The following WDR70 variants were observed in gnomAD, a reference collection of about 807,000 sequenced individuals.
WDR70 encodes the protein WD repeat domain 70.
WDR70 carries 53 observed loss-of-function variants against 88.6 expected under a neutral mutation model. The observed-to-expected ratio is 0.60, with a 90% CI of 0.48 to 0.75. The LOEUF is 0.75. Among genes scored for constraint, WDR70 ranks in the 30% least tolerant of loss-of-function variants. The pLI is 0.00. For synonymous variants in WDR70, 280 were observed against 270.0 expected, an observed-to-expected ratio of 1.04 and a Z score of -0.36; for missense variants, 610 against 823.2, an observed-to-expected ratio of 0.74 and a Z score of 3.17.
intron 10 of WDR70, among the ~76,000 whole-genome samples, chr5:37,624,653 A>T (rs1175418464): frequency 6.6e-6 from 1 of 152,230 alleles, no homozygotes; most frequent in African/African-American, 2.4e-5. Flanking sequence ...AGATTTATTT[A>T]TCATGTATAT....
At chr5:37,549,427 T>G (rs1194841058) in intron 9 of WDR70, among the ~76,000 whole-genome samples, 1 of 152,212 alleles carries the variant, frequency 6.6e-6, no homozygotes, top group Non-Finnish European at 1.5e-5. Context: ...AAAGTTTCTT[T>G]TTCAGATTGG....
chr5:37,719,282 A>T (rs994801445), intron 13 of WDR70, among the ~76,000 whole-genome samples: 22 of 152,148 alleles, frequency 1.4e-4, no homozygotes, highest in Non-Finnish European at 2.6e-4. Context: ...TTATTAGGAG[A>T]AAATGTGACT....
Position 37,485,858 on chromosome 5 carries a change from A to ATTTTTTTTTTTTTTTTTTTT in WDR70, c.840+5880_840+5899dup, listed in dbSNP as rs57109943. On this transcript the variant is annotated intron_variant, in intron 8 of 17. Coordinates refer to ENST00000265107, the MANE Select transcript of WDR70 (RefSeq NM_018034.4). ...AGGCATGCGCCACCATGCCTGGCTA[A>ATTTTTTTTTTTTTTTTTTTT]TTTTTTTTTTTTTTTTTTTTTTTTT... is the stretch of plus-strand genomic sequence containing the variant. Among the ~76,000 whole-genome samples the ATTTTTTTTTTTTTTTTTTTT allele has an allele frequency of 2.0e-4, 22 of 108,286 alleles. 1 individual carries two copies. Among genetic ancestry groups the ATTTTTTTTTTTTTTTTTTTT allele is most frequent in the African/African-American group, 7.9e-4 (20 of 25,372 alleles). The allele number at this position is 108,286 out of a possible 152,430, so 71.0% of individuals were successfully genotyped here. A position where few individuals can be genotyped will look rare whatever the true frequency, so the allele number is the denominator to read the frequency against.
chr5:37,525,542 T>C (rs1237397804), intron 9 of WDR70, among the ~76,000 whole-genome samples: 1 of 152,050 alleles, frequency 6.6e-6, no homozygotes, highest in Non-Finnish European at 1.5e-5. Context: ...TATCGTAAAA[T>C]TGACACCCTA....
At chr5:37,439,968 A>G (rs991994888) in intron 6 of WDR70, among the ~76,000 whole-genome samples, 5 of 152,136 alleles carry the variant, frequency 3.3e-5, no homozygotes, top group African/African-American at 7.2e-5. Context: ...TCTTTCCTAC[A>G]TAATACCATC....
intron 14 of WDR70, chr5:37,721,549 C>T (rs1747817226): frequency 4.2e-6 from 1 of 236,802 alleles, no homozygotes; most frequent in African/African-American, 2.2e-5. Context: ...AGAGATTTAA[C>T]AAAGCAGGGA....
rs934266351 is a variant in WDR70, at chr5:37,607,881, C to T, written c.1092+2643C>T. Among the ~76,000 whole-genome samples, 9 of 152,212 alleles carry T rather than the reference C, an allele frequency of 5.9e-5. No homozygotes were observed. In the South Asian group the frequency reaches 1.0e-3, roughly 18 times the overall value. The stretch of plus-strand genomic sequence containing the variant: ...TCTGCACTGCCTCCTTGATTCTCTA[C>T]TTCCCATTCACCAGCATAATTTGAG... On this transcript the variant is annotated intron_variant, in intron 10 of 17. Coordinates refer to ENST00000265107, the MANE Select transcript of WDR70 (RefSeq NM_018034.4).
intron 8 of WDR70, among the ~76,000 whole-genome samples, chr5:37,508,943 C>T (rs1740639276): frequency 6.6e-6 from 1 of 152,150 alleles, no homozygotes; most frequent in East Asian, 1.9e-4. Context: ...AAGCTTTTAA[C>T]TATGAATTCA....
intron 10 of WDR70, among the ~76,000 whole-genome samples, chr5:37,646,769 C>T (rs1452038569): frequency 6.6e-6 from 1 of 152,078 alleles, no homozygotes; most frequent in Non-Finnish European, 1.5e-5. Context: ...TATTTCTTTT[C>T]TCTTGCTCCT....
chr5:37,420,582 G>A (rs1749915325), intron 5 of WDR70, among the ~76,000 whole-genome samples: 1 of 152,062 alleles, frequency 6.6e-6, no homozygotes, highest in East Asian at 1.9e-4. Flanking sequence ...TAGGAACAAA[G>A]GTGCATGCCA....
chr5:37,461,871 T>C (rs1280924764), intron 7 of WDR70, among the ~76,000 whole-genome samples: 1 of 152,212 alleles, frequency 6.6e-6, no homozygotes, highest in African/African-American at 2.4e-5. Context: ...ACATTGTTTT[T>C]TGTGCCTGCT....
chr5:37,499,286 G>A (rs1311001738), intron 8 of WDR70, among the ~76,000 whole-genome samples: 1 of 151,752 alleles, frequency 6.6e-6, no homozygotes, highest in Non-Finnish European at 1.5e-5. Context: ...CCTAATTTTT[G>A]TATTTTTAGT....
At chr5:37,749,444 C>G (rs954962362) in intron 17 of WDR70, among the ~76,000 whole-genome samples, 1 of 151,848 alleles carries the variant, frequency 6.6e-6, no homozygotes, top group Non-Finnish European at 1.5e-5. Context: ...GCCTTTTGGA[C>G]GTTGGGGTGT....
chr5:37,597,225 A>G (rs1189059097), intron 9 of WDR70, among the ~76,000 whole-genome samples: 3 of 152,192 alleles, frequency 2.0e-5, no homozygotes, highest in Non-Finnish European at 4.4e-5. Context: ...CTTAGAAATG[A>G]CATTGCTTGT....
At chr5:37,692,592 T>C (rs964141034) in intron 10 of WDR70, among the ~76,000 whole-genome samples, 1 of 152,132 alleles carries the variant, frequency 6.6e-6, no homozygotes, top group Non-Finnish European at 1.5e-5. Context: ...ATCCCTCACA[T>C]AAACAGAACC....
intron 5 of WDR70, among the ~76,000 whole-genome samples, chr5:37,407,621 C>A (rs2111943293): frequency 6.6e-6 from 1 of 152,178 alleles, no homozygotes; most frequent in African/African-American, 2.4e-5. Context: ...TATTTATTTG[C>A]CTACTTTAGC....
intron 9 of WDR70, among the ~76,000 whole-genome samples, chr5:37,540,329 A>C: frequency 6.6e-6 from 1 of 152,164 alleles, no homozygotes; most frequent in Non-Finnish European, 1.5e-5. Context: ...CAAATCTTAA[A>C]AGTTAGACCT....
At chr5:37,718,158 G>A (rs1747705878) in intron 13 of WDR70, among the ~76,000 whole-genome samples, 1 of 152,196 alleles carries the variant, frequency 6.6e-6, no homozygotes, top group Non-Finnish European at 1.5e-5. Flanking sequence ...TCAGCTATAT[G>A]TGTGTGTAAA....
chr5:37,648,924 T>C (rs1196451408), intron 10 of WDR70, among the ~76,000 whole-genome samples: 1 of 152,212 alleles, frequency 6.6e-6, no homozygotes, highest in African/African-American at 2.4e-5. Flanking sequence ...TAATTTTTCA[T>C]TAATAACATT....
Sources: gnomAD v4.1 joint callset for allele counts (sites outside exome capture counted in the v4.1 genomes callset) on GRCh38, gnomAD v4.1.1 for gene constraint, MANE v1.5 for transcripts, NCBI Gene and HGNC (gene_info 2026-07-23, HGNC 2026-07-21) for gene names.